The following PRIM2 variants were observed in gnomAD, a reference collection of about 807,000 sequenced individuals.
PRIM2 encodes DNA primase subunit 2.
Under a neutral mutation model 67.3 loss-of-function variants are expected in PRIM2, and 39 were observed. The ratio of observed to expected loss-of-function variants is 0.58; its 90% CI spans 0.45 to 0.76. The LOEUF (loss-of-function observed/expected upper bound fraction) is 0.76, where lower values mean the gene tolerates loss of function less well. Among genes scored for constraint, PRIM2 ranks in the 30% least tolerant of loss-of-function variants. The probability of loss-of-function intolerance (pLI) is 0.00; values close to 1 mark genes in which losing one functional copy is unlikely to be tolerated. For synonymous variants in PRIM2, 143 were observed against 198.7 expected (o/e 0.72, Z 2.36); for missense variants, 398 against 598.7 (o/e 0.66, Z 3.50).
chr6:57,374,544 G>A (rs1769688661), intron 5 of PRIM2, among the ~76,000 whole-genome samples: 2 of 149,880 alleles, frequency 1.3e-5, no homozygotes, highest in Non-Finnish European at 1.5e-5. Flanking sequence ...CGCCCGTCTC[G>A]GCCTCCCAAA....
chr6:57,304,235 A>G, the PRIM2 span, among the ~76,000 whole-genome samples: 1 of 152,238 alleles, frequency 6.6e-6, no homozygotes, highest in Non-Finnish European at 1.5e-5. Flanking sequence ...AATGGAAAAA[A>G]TAAAAAGGAA....
intron 7 of PRIM2, among the ~76,000 whole-genome samples, chr6:57,432,063 T>C (rs1771848474): frequency 6.6e-6 from 1 of 152,190 alleles, no homozygotes; most frequent in Non-Finnish European, 1.5e-5. Context: ...AGCCAAGTAA[T>C]ATGTTATCAC....
chr6:57,544,250 C>G (rs1234169596), intron 10 of PRIM2, among the ~76,000 whole-genome samples: 2 of 149,380 alleles, frequency 1.3e-5, no homozygotes, highest in African/African-American at 2.5e-5. Context: ...TGTCTCTGGT[C>G]GGAGAGGAGA....
chr6:57,608,838 AGAACTGTCAGAGAGGGTGGGC>A, intron 12 of PRIM2, among the ~76,000 whole-genome samples: 1 of 152,302 alleles, frequency 6.6e-6, no homozygotes, highest in South Asian at 2.1e-4. Flanking sequence ...AGGAGAAGAA[AGAACTGTCAGAGAGGGTGGGC>A]TTGATGAAGA....
At chr6:57,535,386 GT>G (rs1416995678) in intron 9 of PRIM2, among the ~76,000 whole-genome samples, 7 of 152,154 alleles carry the variant, frequency 4.6e-5, no homozygotes, top group Non-Finnish European at 1.0e-4. Flanking sequence ...TGCTTCTGTG[GT>G]GCTCAAGTTT....
chr6:57,373,304 G>GT (rs61576192), intron 5 of PRIM2, among the ~76,000 whole-genome samples: 66 of 144,912 alleles, frequency 4.6e-4, no homozygotes, highest in Admixed American at 1.5e-3. Flanking sequence ...ACTTTTTAAT[G>GT]TTTTTTTTTT....
the PRIM2 span, among the ~76,000 whole-genome samples, chr6:57,247,981 C>T: frequency 6.6e-6 from 1 of 152,074 alleles, no homozygotes; most frequent in Non-Finnish European, 1.5e-5. Context: ...TCAATGTTTG[C>T]TTTAGAATTT....
At chr6:57,398,218 A>G (rs1770590443) in intron 7 of PRIM2, among the ~76,000 whole-genome samples, 1 of 152,122 alleles carries the variant, frequency 6.6e-6, no homozygotes, top group Non-Finnish European at 1.5e-5. Flanking sequence ...TCGGCCTCCC[A>G]GAATGGTGGG....
intron 7 of PRIM2, among the ~76,000 whole-genome samples, chr6:57,496,771 A>T (rs1483464464): frequency 6.6e-6 from 1 of 152,228 alleles, no homozygotes; most frequent in East Asian, 1.9e-4. Flanking sequence ...AAATTTATTA[A>T]GTGAATGAAA....
the PRIM2 span, among the ~76,000 whole-genome samples, chr6:57,306,299 A>G: frequency 6.6e-6 from 1 of 152,132 alleles, no homozygotes; most frequent in Non-Finnish European, 1.5e-5. Context: ...GGGCCAGACT[A>G]GTGCATCCAA....
chr6:57,474,290 C>T (rs1201018081), intron 7 of PRIM2, among the ~76,000 whole-genome samples: 3 of 132,682 alleles, frequency 2.3e-5, no homozygotes, highest in Non-Finnish European at 4.6e-5. Context: ...ATTCTCCTGC[C>T]TCAGCCTCTG....
chr6:57,243,907 T>C, the PRIM2 span, among the ~76,000 whole-genome samples: 2 of 152,250 alleles, frequency 1.3e-5, no homozygotes, highest in Non-Finnish European at 2.9e-5. Context: ...ATGCATTCTA[T>C]GCTGTAGCTT....
At chr6:57,438,917 C>G (rs1772103067) in intron 7 of PRIM2, among the ~76,000 whole-genome samples, 1 of 152,016 alleles carries the variant, frequency 6.6e-6, no homozygotes, top group South Asian at 2.1e-4. Context: ...CCATGTTGGC[C>G]AGGCTGGTCT....
chr6:57,434,801 C>T (rs758860), intron 7 of PRIM2, among the ~76,000 whole-genome samples: 70,410 of 151,340 alleles, frequency 0.47, 18,077 homozygotes, highest in South Asian at 0.62. Flanking sequence ...TTTTTTCTTG[C>T]GACAGGGCCT....
At chr6:57,637,400 G>A (rs2127500655) in intron 13 of PRIM2, among the ~76,000 whole-genome samples, 1 of 152,282 alleles carries the variant, frequency 6.6e-6, no homozygotes, top group African/African-American at 2.4e-5. Flanking sequence ...ACCGGATGGA[G>A]AATGAGTTTG....
chr6:57,362,698 A>G (rs921565624), intron 5 of PRIM2, among the ~76,000 whole-genome samples: 1 of 151,896 alleles, frequency 6.6e-6, no homozygotes, highest in African/African-American at 2.4e-5. Context: ...TTTGGAAAAC[A>G]CTTGCCAGTT....
chr6:57,428,359 T>G (rs1320642633), intron 7 of PRIM2, among the ~76,000 whole-genome samples: 1 of 152,174 alleles, frequency 6.6e-6, no homozygotes, highest in Non-Finnish European at 1.5e-5. Context: ...AGATTAAAAC[T>G]AACAAACAGA....
At chr6:57,310,068 A>T (rs1767351967), upstream of PRIM2, among the ~76,000 whole-genome samples, 1 of 152,112 alleles carries the variant, frequency 6.6e-6, no homozygotes, top group Non-Finnish European at 1.5e-5. Flanking sequence ...AATATCCAGA[A>T]TCTACAATGA....
At chr6:57,581,028 A>G (rs1776075680) in intron 10 of PRIM2, among the ~76,000 whole-genome samples, 2 of 152,214 alleles carry the variant, frequency 1.3e-5, no homozygotes, top group Non-Finnish European at 2.9e-5. Context: ...AAACTAATCT[A>G]GTAAAAGTGA....
Sources: gnomAD v4.1 joint callset for allele counts (sites outside exome capture counted in the v4.1 genomes callset) on GRCh38, gnomAD v4.1.1 for gene constraint, MANE v1.5 for transcripts, NCBI Gene and HGNC (gene_info 2026-07-23, HGNC 2026-07-21) for gene names.